The following BICC1 variants were observed in gnomAD, a reference collection of about 807,000 sequenced individuals.
BICC1 encodes BicC family RNA binding protein 1.
BICC1 carries 43 observed loss-of-function variants against 111.0 expected under a neutral mutation model. The ratio of observed to expected loss-of-function variants is 0.39; its 90% CI spans 0.30 to 0.50. BICC1 has a LOEUF of 0.50. Ranked by LOEUF, BICC1 falls within the 20% of genes least tolerant of loss-of-function variation. The pLI, the probability that BICC1 is intolerant of heterozygous loss-of-function variation, is 0.88. For synonymous variants in BICC1, 467 were observed against 434.4 expected (o/e 1.07, Z -0.93); for missense variants, 1,091 against 1,203.2 (o/e 0.91, Z 1.38).
intron 1 of BICC1, among the ~76,000 whole-genome samples, chr10:58,517,963 G>A (rs1029175722): frequency 6.8e-6 from 1 of 148,080 alleles, no homozygotes; most frequent in Non-Finnish European, 1.5e-5. Context: ...ATTATCTTAC[G>A]ATTAATGAAC....
chr10:58,630,296 A>T (rs1037942895), intron 2 of BICC1, among the ~76,000 whole-genome samples: 1 of 152,158 alleles, frequency 6.6e-6, no homozygotes, highest in Non-Finnish European at 1.5e-5. Context: ...AGCTGTGAAT[A>T]AGTGGTGAAG....
chr10:58,791,312 T>C (rs557439680), intron 8 of BICC1, among the ~76,000 whole-genome samples: 1 of 152,356 alleles, frequency 6.6e-6, no homozygotes, highest in African/African-American at 2.4e-5. Flanking sequence ...TGCACATTTA[T>C]ACTTTGACCA....
chr10:58,729,290 C>T (rs888950013), intron 3 of BICC1, among the ~76,000 whole-genome samples: 2 of 152,228 alleles, frequency 1.3e-5, no homozygotes, highest in Non-Finnish European at 2.9e-5. Context: ...CTTGCTACAG[C>T]TTCTACATCA....
intron 20 of BICC1, among the ~76,000 whole-genome samples, chr10:58,821,786 T>G (rs1029853293): frequency 1.3e-5 from 2 of 152,134 alleles, no homozygotes; most frequent in African/African-American, 4.8e-5. Context: ...AATTAGGAGA[T>G]CTGGGCTTTA....
intron 2 of BICC1, among the ~76,000 whole-genome samples, chr10:58,645,386 G>A (rs1295449437): frequency 7.9e-5 from 11 of 140,088 alleles, no homozygotes; most frequent in Admixed American, 6.7e-4. Flanking sequence ...CAGCCTGGGC[G>A]ACAGAGCGAG....
At chr10:58,600,025 C>CA (rs1844975748) in intron 1 of BICC1, among the ~76,000 whole-genome samples, 2 of 151,754 alleles carry the variant, frequency 1.3e-5, no homozygotes, top group African/African-American at 4.8e-5. Context: ...CAAAGATTGT[C>CA]AAGAATTGCT....
At chr10:58,793,109 C>T (rs1373157372) in intron 8 of BICC1, among the ~76,000 whole-genome samples, 1 of 152,152 alleles carries the variant, frequency 6.6e-6, no homozygotes, top group Non-Finnish European at 1.5e-5. Context: ...CAAAAGCTGC[C>T]ACTGGAAGTC....
chr10:58,640,556 T>C (rs191858641), intron 2 of BICC1, among the ~76,000 whole-genome samples: 27 of 152,330 alleles, frequency 1.8e-4, no homozygotes, highest in African/African-American at 6.5e-4. Context: ...TTATAGACAT[T>C]TGTTAAACCC....
At chr10:58,783,932 T>C (rs919974814) in intron 3 of BICC1, among the ~76,000 whole-genome samples, 4 of 152,142 alleles carry the variant, frequency 2.6e-5, no homozygotes, top group Non-Finnish European at 5.9e-5. Flanking sequence ...AAAACCTGAT[T>C]GAAGAGAGAA....
intron 1 of BICC1, among the ~76,000 whole-genome samples, chr10:58,599,422 T>TTCTA (rs764230927): frequency 1.4e-4 from 22 of 152,086 alleles, no homozygotes; most frequent in Non-Finnish European, 2.9e-4. Flanking sequence ...ACACTGCATG[T>TTCTA]TCTCACTCAT....
chr10:58,676,881 C>G (rs1839361168), intron 2 of BICC1, among the ~76,000 whole-genome samples: 1 of 152,194 alleles, frequency 6.6e-6, no homozygotes, highest in Non-Finnish European at 1.5e-5. Flanking sequence ...TGTTCTGCAG[C>G]CTCCGCTGGT....
intron 3 of BICC1, among the ~76,000 whole-genome samples, chr10:58,774,023 ATGTT>A (rs1842685706): frequency 6.6e-6 from 1 of 152,158 alleles, no homozygotes; most frequent in Non-Finnish European, 1.5e-5. Flanking sequence ...GTTGCCATAA[ATGTT>A]TGAAAGAATT....
At chr10:58,790,811 AAATGAAATGG>A (rs1843153434) in intron 8 of BICC1, among the ~76,000 whole-genome samples, 1 of 152,250 alleles carries the variant, frequency 6.6e-6, no homozygotes, top group African/African-American at 2.4e-5. Flanking sequence ...AAAATGAAAT[AAATGAAATGG>A]AATGAAATAA....
At chr10:58,682,179 C>T (rs1475526622) in intron 2 of BICC1, among the ~76,000 whole-genome samples, 1 of 152,018 alleles carries the variant, frequency 6.6e-6, no homozygotes, top group Non-Finnish European at 1.5e-5. Context: ...CATCCATGTC[C>T]CTACAAAGGA....
chr10:58,673,851 G>A (rs1046351477), intron 2 of BICC1, among the ~76,000 whole-genome samples: 2 of 148,924 alleles, frequency 1.3e-5, no homozygotes, highest in African/African-American at 2.5e-5. Context: ...GGCTGGTCTC[G>A]AACTCTTGAC....
chr10:58,731,282 G>A (rs1398436484), intron 3 of BICC1, among the ~76,000 whole-genome samples: 3 of 152,174 alleles, frequency 2.0e-5, no homozygotes, highest in Non-Finnish European at 4.4e-5. Context: ...GACCTCCTCA[G>A]CCCGGACTTC....
chr10:58,664,286 G>A (rs918916988), intron 2 of BICC1, among the ~76,000 whole-genome samples: 4 of 152,058 alleles, frequency 2.6e-5, no homozygotes, highest in Non-Finnish European at 4.4e-5. Context: ...TTCTGATTGT[G>A]GACTTATTTG....
chr10:58,562,858 T>C (rs1843647712), intron 1 of BICC1, among the ~76,000 whole-genome samples: 1 of 152,170 alleles, frequency 6.6e-6, no homozygotes, highest in African/African-American at 2.4e-5. Context: ...TTTGGCGTAT[T>C]CAGTGTCAGC....
At chr10:58,589,782 A>T (rs995061148) in intron 1 of BICC1, among the ~76,000 whole-genome samples, 1 of 151,990 alleles carries the variant, frequency 6.6e-6, no homozygotes, top group Non-Finnish European at 1.5e-5. Context: ...GCCATTACAA[A>T]TTTTTTAAAT....
Sources: allele counts gnomAD v4.1 joint callset (sites outside exome capture counted in the v4.1 genomes callset), GRCh38; gene constraint gnomAD v4.1.1; transcripts MANE v1.5; gene names NCBI Gene and HGNC (gene_info 2026-07-23, HGNC 2026-07-21).